RHOXF1: variants seen among roughly 807,000 people sequenced by gnomAD.
RHOXF1 encodes the protein PEPP subfamily gene 1.
RHOXF1 carries 1 observed loss-of-function variant against 9.7 expected under a neutral mutation model. That is an observed-to-expected ratio of 0.10 (90% confidence interval 0.04 to 0.49). The LOEUF (loss-of-function observed/expected upper bound fraction) is 0.49, where lower values mean the gene tolerates loss of function less well. Among genes scored for constraint, RHOXF1 ranks in the 20% least tolerant of loss-of-function variants. The probability of loss-of-function intolerance (pLI) is 0.95; values close to 1 mark genes in which losing one functional copy is unlikely to be tolerated. For synonymous variants in RHOXF1, 72 were observed against 70.2 expected, an observed-to-expected ratio of 1.03 and a Z score of -0.13; for missense variants, 179 against 168.0, an observed-to-expected ratio of 1.07 and a Z score of -0.36.
chrX:120,115,357 C>T, intron 1 of RHOXF1, 108 bp downstream of exon 1: 1 of 629,620 alleles, frequency 1.6e-6, no homozygotes, highest in Non-Finnish European at 2.2e-6. Context: ...CAAAGGCAGG[C>T]AAGGACCCCC....
chrX:120,113,140 T>C (rs1448492825), intron 1 of RHOXF1, among the ~76,000 whole-genome samples: 3 of 110,717 alleles, frequency 2.7e-5, no homozygotes, highest in Non-Finnish European at 5.7e-5. Flanking sequence ...TCAAGAGAAA[T>C]ACCTTTTTTT....
At chrX:120,114,903 T>C (rs1556000320) in intron 1 of RHOXF1, among the ~76,000 whole-genome samples, 1 of 112,438 alleles carries the variant, frequency 8.9e-6, no homozygotes, top group Non-Finnish European at 1.9e-5. Flanking sequence ...AAGGAAATTC[T>C]AATATATGCT....
In RHOXF1 at chrX:120,109,089, G is replaced by C; in HGVS notation, c.*103C>G. ...CCTCTTTATTGATAACATAAGTGCAGAGGAGATAAGGGTAGCCTGAGCGGC... is the reference window on the plus strand; with the variant it reads ...CCTCTTTATTGATAACATAAGTGCACAGGAGATAAGGGTAGCCTGAGCGGC... On this transcript the variant is annotated 3_prime_UTR_variant, in exon 3 of 3. Transcript: ENST00000217999. The C allele has an allele frequency of 2.3e-6, 1 of 444,099 alleles. No homozygotes were observed. The allele number at this position is 444,099 out of a possible 1,213,427, so 36.6% of individuals were successfully genotyped here.
upstream of RHOXF1, among the ~76,000 whole-genome samples, chrX:120,120,236 G>A (rs185203258): frequency 5.4e-5 from 6 of 111,860 alleles, no homozygotes; most frequent in Middle Eastern, 4.6e-3. Context: ...AGGGAGAAAA[G>A]GTGGAAGGAG....
Position 120,115,856 on chromosome X carries a change from G to T in RHOXF1, c.7C>A (p.Arg3Ser). The change falls in exon 1 of 3, where the codon CGT becomes AGT. Residue 3 changes from arginine to serine, a missense_variant. Transcript: ENST00000217999. MA[R>S]SLVHDTVFYC... ...AACACGGTGTCGTGGACGAGCGAAC[G>T]CGCCATGGCTGGAGCGCTGCGCCCC... 8.5e-7 allele frequency: 1 copy of T among 1,174,573 alleles called. No individual in the cohort carries two copies. Among genetic ancestry groups the T allele is most frequent in the Non-Finnish European group, 1.1e-6 (1 of 882,167 alleles).
At chrX:120,119,733 A>C (rs1305647188), upstream of RHOXF1, 2 of 112,262 alleles carry the variant, frequency 1.8e-5, no homozygotes, top group African/African-American at 6.5e-5. Flanking sequence ...AGTTAAGAGA[A>C]GGAGAGGGGG....
intron 2 of RHOXF1, among the ~76,000 whole-genome samples, chrX:120,110,621 G>T (rs1338449845): frequency 1.8e-5 from 2 of 111,662 alleles, no homozygotes; most frequent in Non-Finnish European, 3.8e-5. Context: ...ACATCAATGT[G>T]GGGGAAGGGT....
upstream of RHOXF1, among the ~76,000 whole-genome samples, chrX:120,117,200 G>A (rs782755304): frequency 1.8e-5 from 2 of 111,119 alleles, no homozygotes; most frequent in Non-Finnish European, 3.8e-5. Flanking sequence ...AGGCTGTGGT[G>A]AGCTAGAATC....
chrX:120,118,872 G>T (rs1556000980), upstream of RHOXF1, among the ~76,000 whole-genome samples: 1 of 111,436 alleles, frequency 9.0e-6, no homozygotes, highest in Admixed American at 9.5e-5. Context: ...ATTATTATTT[G>T]CTCTGGTATC....
intron 2 of RHOXF1, 139 bp from the exon 3 acceptor site, chrX:120,109,441 C>A: frequency 2.5e-6 from 1 of 397,434 alleles, no homozygotes; most frequent in East Asian, 3.8e-5. Context: ...TGCTAAAATA[C>A]CTTAGGAAAG....
chrX:120,112,781 T>G, intron 2 of RHOXF1, 88 bp downstream of exon 2: 1 of 612,895 alleles, frequency 1.6e-6, no homozygotes, highest in East Asian at 3.4e-5. Flanking sequence ...CTTTAGAACG[T>G]TCAGGACAAA....
At chrX:120,111,432 T>A (rs1481434185) in intron 2 of RHOXF1, among the ~76,000 whole-genome samples, 2 of 111,955 alleles carry the variant, frequency 1.8e-5, no homozygotes, top group African/African-American at 6.5e-5. Flanking sequence ...ACACATGCAC[T>A]CTGCATAAAA....
At chrX:120,111,101 A>C (rs1385370694) in intron 2 of RHOXF1, among the ~76,000 whole-genome samples, 3 of 112,212 alleles carry the variant, frequency 2.7e-5, no homozygotes, top group African/African-American at 9.7e-5. Flanking sequence ...TAGTTTGGAG[A>C]TACATGAGAG....
chrX:120,118,609 T>G (rs1453103718), upstream of RHOXF1, among the ~76,000 whole-genome samples: 1 of 112,070 alleles, frequency 8.9e-6, no homozygotes, highest in Non-Finnish European at 1.9e-5. Flanking sequence ...AGAAACACAT[T>G]CCCAAACCTT....
chrX:120,109,330 T>C (rs1555999455), intron 2 of RHOXF1, 28 bp from the exon 3 acceptor site: 1 of 931,233 alleles, frequency 1.1e-6, no homozygotes, highest in Non-Finnish European at 1.5e-6. Flanking sequence ...AGGGGATTGG[T>C]TTAGTATATT....
At chrX:120,119,157 G>A (rs73615689), upstream of RHOXF1, among the ~76,000 whole-genome samples, 3,500 of 112,230 alleles carry the variant, frequency 0.031, 124 homozygotes, top group African/African-American at 0.1. Context: ...ATGTGAGGCT[G>A]CATGGTCATT....
chrX:120,114,751 A>T (rs1202908450), intron 1 of RHOXF1, among the ~76,000 whole-genome samples: 1 of 112,306 alleles, frequency 8.9e-6, no homozygotes, highest in African/African-American at 3.2e-5. Flanking sequence ...ATGAAGTATC[A>T]CCTCACACCC....
intron 2 of RHOXF1, among the ~76,000 whole-genome samples, chrX:120,112,558 ATG>A (rs1362954300): frequency 1.6e-5 from 1 of 62,772 alleles, no homozygotes; most frequent in Non-Finnish European, 2.8e-5. Flanking sequence ...TGTATAATAT[ATG>A]TGTTTCATAT....
chrX:120,117,022 G>A (rs1245837193), upstream of RHOXF1, among the ~76,000 whole-genome samples: 1 of 111,228 alleles, frequency 9.0e-6, no homozygotes, highest in African/African-American at 3.3e-5. Context: ...CTGGATGTGG[G>A]GCCACTTCTG....
Sources: gnomAD v4.1 joint callset for allele counts (sites outside exome capture counted in the v4.1 genomes callset) on GRCh38, gnomAD v4.1.1 for gene constraint, MANE v1.5 for transcripts, NCBI Gene and HGNC (gene_info 2026-07-23, HGNC 2026-07-21) for gene names.